Variants in SMIM10L3 observed in about 807,000 individuals in gnomAD.
The protein encoded by SMIM10L3 is small integral membrane protein 10 like 3, also known as salivary gland specific protein SAGSIN1.
At chr7:6,336,987 T>C in the SMIM10L3 span, among the ~76,000 whole-genome samples, 1 of 152,052 alleles carries the variant, frequency 6.6e-6, no homozygotes, top group Non-Finnish European at 1.5e-5. Context: ...ATTTTGCTGA[T>C]GAAAATGTGC....
the SMIM10L3 span, among the ~76,000 whole-genome samples, chr7:6,342,139 G>C: frequency 1.3e-5 from 2 of 152,128 alleles, no homozygotes; most frequent in African/African-American, 4.8e-5. Flanking sequence ...TATTAGGTTG[G>C]TATACCAAGC....
chr7:6,347,662 C>G, the SMIM10L3 span, among the ~76,000 whole-genome samples: 1 of 152,072 alleles, frequency 6.6e-6, no homozygotes, highest in African/African-American at 2.4e-5. Context: ...TTTCCCTGGT[C>G]TTCACCCTCA....
At chr7:6,341,539 A>G in the SMIM10L3 span, among the ~76,000 whole-genome samples, 2 of 150,526 alleles carry the variant, frequency 1.3e-5, no homozygotes, top group African/African-American at 2.4e-5. Flanking sequence ...ATTTTTTTTA[A>G]ATTAGCCAGG....
At chr7:6,330,668 C>T in the SMIM10L3 span, 1 of 1,614,092 alleles carries the variant, frequency 6.2e-7, no homozygotes, top group Non-Finnish European at 8.5e-7. Context: ...CTTCCCATTT[C>T]CGGCACTTTT....
At chr7:6,336,678 T>G in the SMIM10L3 span, among the ~76,000 whole-genome samples, 2 of 139,180 alleles carry the variant, frequency 1.4e-5, no homozygotes, top group Non-Finnish European at 3.1e-5. Flanking sequence ...AGCAAGACTT[T>G]GTCCAAAAAA....
chr7:6,347,882 C>CTTT, the SMIM10L3 span, among the ~76,000 whole-genome samples: 3 of 92,030 alleles, frequency 3.3e-5, no homozygotes, highest in African/African-American at 1.2e-4. Context: ...AACGAGACCC[C>CTTT]TTTATTATTA....
chr7:6,340,355 T>C, the SMIM10L3 span, among the ~76,000 whole-genome samples: 103 of 152,216 alleles, frequency 6.8e-4, no homozygotes, highest in Middle Eastern at 0.01. Context: ...AAAACGCTGC[T>C]GAGAGGGTTG....
At chr7:6,347,372 C>T in the SMIM10L3 span, among the ~76,000 whole-genome samples, 1 of 151,854 alleles carries the variant, frequency 6.6e-6, no homozygotes, top group Non-Finnish European at 1.5e-5. Flanking sequence ...AAAAATTAGC[C>T]TGGCGTGGTG....
chr7:6,339,558 A>T, the SMIM10L3 span, among the ~76,000 whole-genome samples: 1 of 150,544 alleles, frequency 6.6e-6, no homozygotes, highest in Non-Finnish European at 1.5e-5. Flanking sequence ...ATCTCAGCTC[A>T]CTGCAAGCTC....
the SMIM10L3 span, among the ~76,000 whole-genome samples, chr7:6,333,583 G>A: frequency 2.0e-5 from 3 of 151,558 alleles, no homozygotes; most frequent in Admixed American, 6.6e-5. Flanking sequence ...ACTGCAGCCT[G>A]TAACTTCTGG....
At chr7:6,337,587 A>G in the SMIM10L3 span, among the ~76,000 whole-genome samples, 3 of 138,146 alleles carry the variant, frequency 2.2e-5, no homozygotes, top group African/African-American at 7.7e-5. Context: ...CAGTACCATT[A>G]TTTTTTTTCA....
chr7:6,346,901 C>G, the SMIM10L3 span, among the ~76,000 whole-genome samples: 1 of 152,182 alleles, frequency 6.6e-6, no homozygotes, highest in Non-Finnish European at 1.5e-5. Flanking sequence ...GACCGTCCAA[C>G]TGTAAACTCC....
chr7:6,337,835 G>C, the SMIM10L3 span, among the ~76,000 whole-genome samples: 1 of 149,538 alleles, frequency 6.7e-6, no homozygotes, highest in Non-Finnish European at 1.5e-5. Flanking sequence ...ACAGAGTCTT[G>C]CTCTGTCACC....
chr7:6,337,481 A>G, the SMIM10L3 span, among the ~76,000 whole-genome samples: 1 of 151,902 alleles, frequency 6.6e-6, no homozygotes, highest in East Asian at 1.9e-4. Context: ...CAGAAAAATT[A>G]AGTTTCTAAC....
chr7:6,347,617 T>G, the SMIM10L3 span, among the ~76,000 whole-genome samples: 14 of 152,270 alleles, frequency 9.2e-5, no homozygotes, highest in African/African-American at 2.6e-4. Context: ...TCCAGGCCTC[T>G]GAGACGTTTT....
the SMIM10L3 span, chr7:6,348,447 G>A: frequency 2.5e-6 from 1 of 397,588 alleles, no homozygotes. Flanking sequence ...GGGTCGCACG[G>A]GAAAATGCAC....
At chr7:6,343,835 TC>T in the SMIM10L3 span, among the ~76,000 whole-genome samples, 2 of 152,088 alleles carry the variant, frequency 1.3e-5, no homozygotes, top group African/African-American at 4.8e-5. Context: ...AAAATGGAGT[TC>T]CTTAGGCCTT....
chr7:6,333,056 C>G, the SMIM10L3 span, among the ~76,000 whole-genome samples: 1 of 151,560 alleles, frequency 6.6e-6, no homozygotes, highest in Admixed American at 6.6e-5. Flanking sequence ...ACCAGGGAGG[C>G]TGAAGCGAGA....
chr7:6,341,359 T>C, the SMIM10L3 span, among the ~76,000 whole-genome samples: 3,982 of 138,840 alleles, frequency 0.029, 197 homozygotes, highest in African/African-American at 0.1. Flanking sequence ...AGGAGAATGG[T>C]GTGAACCGGG....
Sources: allele counts gnomAD v4.1 joint callset (sites outside exome capture counted in the v4.1 genomes callset), GRCh38; gene constraint gnomAD v4.1.1; transcripts MANE v1.5; gene names NCBI Gene and HGNC (gene_info 2026-07-23, HGNC 2026-07-21).